ZNF292: variants seen among roughly 807,000 people sequenced by gnomAD.
The protein encoded by ZNF292 is zinc finger protein 292, also known as 16 zinc-finger domain protein.
In ZNF292, 26 loss-of-function variants were observed where a neutral mutation model predicts 217.9. The ratio of observed to expected loss-of-function variants is 0.12; its 90% confidence interval spans 0.09 to 0.17. The LOEUF (loss-of-function observed/expected upper bound fraction) is 0.17. ZNF292 is among the 10% of genes least tolerant of loss of function. The probability of loss-of-function intolerance (pLI) is 1.00; values close to 1 mark genes in which losing one functional copy is unlikely to be tolerated. For synonymous variants in ZNF292, 1,257 were observed against 1,124.1 expected (o/e 1.12, Z -2.37); for missense variants, 2,904 against 3,175.2 (o/e 0.91, Z 2.05).
intron 4 of ZNF292, among the ~76,000 whole-genome samples, chr6:87,228,354 A>G (rs972788348): frequency 6.6e-6 from 1 of 152,096 alleles, no homozygotes; most frequent in African/African-American, 2.4e-5. Context: ...TGATTTGCAA[A>G]TATTTTCTCT....
Position 87,254,660 on chromosome 6 carries a change from C to G in ZNF292, c.1031C>G (p.Ala344Gly), listed in dbSNP as rs752307066. ...TTTGCTTTTTCACAGACTGAAGGGG[C>G]TGGACTTGCTACCTGTATAGAACTG... ...IKVINSETEGAGLATCIELCV... is the reference protein window; with the variant it reads ...IKVINSETEGGGLATCIELCV... Residue 344 changes from alanine to glycine, a missense_variant, in exon 8 of 8, where the codon GCT becomes GGT. Around this residue, in one of 15 missense-constraint regions of ZNF292, gnomAD observed 313 missense variants for 451.0 expected, o/e 0.69. Transcript: ENST00000369577. 1 of 1,603,460 alleles carries G rather than the reference C, an allele frequency of 6.2e-7. No individual in the cohort carries two copies. The highest frequency in any genetic ancestry group is 1.7e-5 in the Admixed American group (1 of 59,118).
chr6:87,261,435 T>G lies in ZNF292; in HGVS notation c.7806T>G (p.Ser2602=). Residue 2602 remains serine (S), a synonymous_variant, in exon 8 of 8, where the codon TCT becomes TCG. Transcript: ENST00000369577. The part of the protein sequence containing the change: ...EVSFLKFLEE[S]AVKQKKNTDK... ...CATTTCTGAAGTTTCTTGAGGAGTC[T>G]GCAGTGAAGCAGAAGAAAAATACTG... is the stretch of plus-strand genomic sequence containing the variant. The G allele has an allele frequency of 6.2e-7, 1 of 1,608,638 alleles. No individual in the cohort carries two copies. The highest frequency in any genetic ancestry group is 8.5e-7 in the Non-Finnish European group (1 of 1,177,232).
intron 1 of ZNF292, among the ~76,000 whole-genome samples, chr6:87,214,344 T>G (rs1016611137): frequency 2.6e-5 from 4 of 152,018 alleles, no homozygotes; most frequent in Non-Finnish European, 4.4e-5. Context: ...AGCTTTACCT[T>G]TGGGTTTCAT....
intron 7 of ZNF292, among the ~76,000 whole-genome samples, chr6:87,247,766 T>C (rs1444645710): frequency 1.3e-5 from 2 of 152,166 alleles, no homozygotes; most frequent in East Asian, 1.9e-4. Flanking sequence ...TTAAATAATA[T>C]AATTATGGAA....
chr6:87,183,482 T>C (rs558287686), intron 1 of ZNF292, among the ~76,000 whole-genome samples: 5 of 152,264 alleles, frequency 3.3e-5, no homozygotes, highest in African/African-American at 1.2e-4. Flanking sequence ...CTGAACACCA[T>C]AATCCCAAAT....
intron 4 of ZNF292, among the ~76,000 whole-genome samples, chr6:87,229,472 G>C (rs752083321): frequency 3.9e-5 from 6 of 151,918 alleles, no homozygotes; most frequent in Non-Finnish European, 4.4e-5. Flanking sequence ...TGTTGCCCAG[G>C]CTGGAGTGCA....
intron 1 of ZNF292, among the ~76,000 whole-genome samples, chr6:87,185,595 T>G (rs1395747893): frequency 6.6e-6 from 1 of 152,028 alleles, no homozygotes; most frequent in Non-Finnish European, 1.5e-5. Flanking sequence ...TCCTCCCACC[T>G]CAGCTGGGAC....
chr6:87,161,606 A>G (rs1429155840), intron 1 of ZNF292, among the ~76,000 whole-genome samples: 1 of 152,136 alleles, frequency 6.6e-6, no homozygotes, highest in African/African-American at 2.4e-5. Context: ...TGTGGAGACA[A>G]GATCTCCCTA....
At chr6:87,196,350 T>C (rs574698620) in intron 1 of ZNF292, among the ~76,000 whole-genome samples, 1 of 152,336 alleles carries the variant, frequency 6.6e-6, no homozygotes, top group South Asian at 2.1e-4. Context: ...ATTGCCACTT[T>C]TTGTTTCCTT....
intron 4 of ZNF292, among the ~76,000 whole-genome samples, chr6:87,231,781 T>C (rs376051353): frequency 3.3e-5 from 5 of 152,326 alleles, no homozygotes; most frequent in South Asian, 4.1e-4. Flanking sequence ...TAGAGTGTGT[T>C]GATTGTGACT....
At position 87,263,020 on chromosome 6, in the gene ZNF292, TTGTC is replaced by T. The variant is rs76794342; in HGVS notation, c.*1223_*1226del. 20 of 152,062 alleles carry T rather than the reference TTGTC, an allele frequency of 1.3e-4. No homozygotes were observed. Among genetic ancestry groups the T allele is most frequent in the Non-Finnish European group, 2.5e-4 (17 of 67,906 alleles). 9.4% of individuals were successfully genotyped at this position (152,062 alleles called of 1,614,324 possible). On this transcript the variant is annotated 3_prime_UTR_variant, in exon 8 of 8. Transcript: ENST00000369577. ...TTTATAGATGTTAGATTGTACAGAT[TTGTC>T]TGTATTTCTCACCATATCTAATGAT...
At chr6:87,184,918 A>G (rs149894653) in intron 1 of ZNF292, among the ~76,000 whole-genome samples, 50 of 152,196 alleles carry the variant, frequency 3.3e-4, no homozygotes, top group African/African-American at 1.2e-3. Context: ...AGACCAATCC[A>G]TTTTCTGTAT....
chr6:87,209,146 TC>T (rs1772376037), intron 1 of ZNF292, among the ~76,000 whole-genome samples: 5 of 149,110 alleles, frequency 3.4e-5, no homozygotes, highest in African/African-American at 1.3e-4. Context: ...TGCTCCCAGT[TC>T]CTGAGCCCTT....
chr6:87,243,148 G>T (rs1469194198), intron 5 of ZNF292, among the ~76,000 whole-genome samples: 1 of 151,872 alleles, frequency 6.6e-6, no homozygotes, highest in Non-Finnish European at 1.5e-5. Flanking sequence ...CTGATTTAAT[G>T]GGTAGAGATT....
At chr6:87,233,818 C>T (rs1262217962) in intron 5 of ZNF292, among the ~76,000 whole-genome samples, 2 of 152,128 alleles carry the variant, frequency 1.3e-5, no homozygotes, top group African/African-American at 2.4e-5. Flanking sequence ...CTATATTTGT[C>T]AGCTTTTGGC....
At chr6:87,186,020 T>C (rs1736394555) in intron 1 of ZNF292, among the ~76,000 whole-genome samples, 1 of 152,180 alleles carries the variant, frequency 6.6e-6, no homozygotes, top group African/African-American at 2.4e-5. Flanking sequence ...ATTGATTACG[T>C]AATTGGCCAT....
At chr6:87,243,803 C>T (rs1774432321) in intron 6 of ZNF292, among the ~76,000 whole-genome samples, 192 bp downstream of exon 6, 1 of 152,072 alleles carries the variant, frequency 6.6e-6, no homozygotes, top group Admixed American at 6.5e-5. Context: ...TATTAAAGGC[C>T]ACACAATTCC....
At chr6:87,195,753 C>T (rs1406241172) in intron 1 of ZNF292, among the ~76,000 whole-genome samples, 1 of 152,034 alleles carries the variant, frequency 6.6e-6, no homozygotes, top group Non-Finnish European at 1.5e-5. Context: ...CTAGGCAGGG[C>T]GTGGTGGCTC....
chr6:87,186,105 C>T (rs1771643790), intron 1 of ZNF292, among the ~76,000 whole-genome samples: 4 of 152,216 alleles, frequency 2.6e-5, no homozygotes, highest in Non-Finnish European at 5.9e-5. Flanking sequence ...AAAGTCTCAA[C>T]CTTGTAGTCA....
Sources: gnomAD v4.1 joint callset for allele counts (sites outside exome capture counted in the v4.1 genomes callset) on GRCh38, gnomAD v4.1.1 for gene constraint, gnomAD v4.1.1 regional missense constraint, MANE v1.5 for transcripts, NCBI Gene and HGNC (gene_info 2026-07-23, HGNC 2026-07-21) for gene names.